Variants in HERC3 observed in about 807,000 individuals in gnomAD.
HERC3 encodes the protein probable E3 ubiquitin-protein ligase HERC3.
A neutral mutation model predicts 129.9 loss-of-function variants in HERC3; 58 were observed. The observed-to-expected ratio is 0.45, with a 90% CI of 0.36 to 0.56. HERC3 has a LOEUF of 0.56. Ranked by LOEUF, HERC3 falls within the 20% of genes least tolerant of loss-of-function variation. HERC3 has a pLI of 0.00. For missense variants in HERC3, 835 were observed against 1,244.2 expected, an observed-to-expected ratio of 0.67 and a Z score of 4.95; for synonymous variants, 430 against 451.0, an observed-to-expected ratio of 0.95 and a Z score of 0.59.
At chr4:88,545,114 A>G in the HERC3 span, among the ~76,000 whole-genome samples, 1 of 152,044 alleles carries the variant, frequency 6.6e-6, no homozygotes, top group African/African-American at 2.4e-5. Flanking sequence ...ACTTCAACAT[A>G]TGCATGGTAA....
chr4:88,637,390 C>T (rs1727543941), intron 3 of HERC3, among the ~76,000 whole-genome samples: 1 of 152,166 alleles, frequency 6.6e-6, no homozygotes, highest in African/African-American at 2.4e-5. Context: ...CGCGCCACTG[C>T]ACTCCAGCCT....
chr4:88,545,430 CTTTTTTT>C, the HERC3 span, among the ~76,000 whole-genome samples: 5 of 110,434 alleles, frequency 4.5e-5, no homozygotes, highest in Admixed American at 1.9e-4. Context: ...TTTGAGAATT[CTTTTTTT>C]TTTTTTTTTT....
intron 3 of HERC3, among the ~76,000 whole-genome samples, chr4:88,644,731 T>G (rs1470923465): frequency 6.6e-6 from 1 of 152,144 alleles, no homozygotes; most frequent in Non-Finnish European, 1.5e-5. Flanking sequence ...ATTCATAGAC[T>G]TATATACCAA....
At position 88,682,368 on chromosome 4, in the gene HERC3, A is replaced by T. The variant is rs59537482; in HGVS notation, c.2507+1043A>T. ...TTAAGTTTTAGGATACATGTGCACAACGTGCAGGTTAGTTACATATGTATA... is the reference window on the plus strand; with the variant it reads ...TTAAGTTTTAGGATACATGTGCACATCGTGCAGGTTAGTTACATATGTATA... On this transcript the variant is annotated intron_variant, in intron 21 of 25. Coordinates refer to ENST00000402738, the MANE Select transcript of HERC3 (RefSeq NM_014606.3). Among the ~76,000 whole-genome samples, 234 of 152,222 alleles carry T rather than the reference A, an allele frequency of 1.5e-3. 1 individual carries two copies. Among genetic ancestry groups the T allele is most frequent in the African/African-American group, 5.3e-3 (222 of 41,538 alleles).
chr4:88,595,910 G>A (rs903442640), intron 2 of HERC3, among the ~76,000 whole-genome samples: 1 of 149,384 alleles, frequency 6.7e-6, no homozygotes, highest in Non-Finnish European at 1.5e-5. Context: ...GTGCAGTGGC[G>A]GGATCTCGGC....
At chr4:88,525,894 A>G in the HERC3 span, among the ~76,000 whole-genome samples, 1 of 152,230 alleles carries the variant, frequency 6.6e-6, no homozygotes, top group South Asian at 2.1e-4. Flanking sequence ...CCTTTTCACT[A>G]TTCACATGAC....
chr4:88,577,616 T>TATATATATATATATATATAA, the HERC3 span, among the ~76,000 whole-genome samples: 11 of 144,714 alleles, frequency 7.6e-5, no homozygotes, highest in South Asian at 2.3e-3. Context: ...TATATATATA[T>TATATATATATATATATATAA]AATAGGTTTG....
At chr4:88,587,156 T>C in the HERC3 span, among the ~76,000 whole-genome samples, 18 of 152,334 alleles carry the variant, frequency 1.2e-4, no homozygotes, top group African/African-American at 4.3e-4. Flanking sequence ...CAGTTTACCT[T>C]TATAAAAAGG....
chr4:88,541,855 A>T, the HERC3 span, among the ~76,000 whole-genome samples: 1 of 152,208 alleles, frequency 6.6e-6, no homozygotes, highest in East Asian at 1.9e-4. Context: ...TACTGGGTAA[A>T]TAACAAAATG....
chr4:88,636,434 A>C (rs1476431713), intron 3 of HERC3, among the ~76,000 whole-genome samples: 1 of 152,246 alleles, frequency 6.6e-6, no homozygotes, highest in Admixed American at 6.5e-5. Context: ...TCAATTCAAC[A>C]AGAAGAGCTA....
At chr4:88,569,488 C>T in the HERC3 span, among the ~76,000 whole-genome samples, 2 of 152,230 alleles carry the variant, frequency 1.3e-5, no homozygotes, top group African/African-American at 4.8e-5. Context: ...GATAGCTGTT[C>T]ACTTTGGTAT....
rs371390502 is a variant in HERC3 at position 88,670,087 on chromosome 4, G to T, written c.1798-52G>T. On this transcript the variant is annotated intron_variant, in intron 15 of 25. Transcript: ENST00000402738. ...ATGGTAGGGTAAAATGTCCTAGTGA[G>T]ATGTTCTCTGGGAAGCCATGTTTCA... 4.4e-6 allele frequency: 7 copies of T among 1,596,340 alleles called. No individual in the cohort carries two copies. The Admixed American group carries it at 8.3e-5, about 19-fold the overall frequency.
intron 2 of HERC3, among the ~76,000 whole-genome samples, chr4:88,602,750 G>T (rs943002074): frequency 1.3e-5 from 2 of 152,118 alleles, no homozygotes; most frequent in Admixed American, 6.5e-5. Context: ...AAAGTGTTAG[G>T]ATCACAGGTG....
At chr4:88,692,034 G>A (rs1734124006) in intron 23 of HERC3, among the ~76,000 whole-genome samples, 1 of 152,102 alleles carries the variant, frequency 6.6e-6, no homozygotes, top group Non-Finnish European at 1.5e-5. Context: ...TTCTATCCTT[G>A]GACAGAACCT....
intron 16 of HERC3, among the ~76,000 whole-genome samples, chr4:88,674,008 AG>A (rs1731887932): frequency 6.6e-6 from 1 of 152,038 alleles, no homozygotes; most frequent in South Asian, 2.1e-4. Flanking sequence ...CTCCTAACTG[AG>A]GCAGTTTTGG....
chr4:88,657,988 T>A (rs1433318396), intron 9 of HERC3, among the ~76,000 whole-genome samples: 1 of 151,646 alleles, frequency 6.6e-6, no homozygotes, highest in Non-Finnish European at 1.5e-5. Flanking sequence ...GTGGACACAG[T>A]GTGATGGGAG....
intron 3 of HERC3, among the ~76,000 whole-genome samples, chr4:88,648,995 T>C (rs1728988710): frequency 6.6e-6 from 1 of 152,200 alleles, no homozygotes; most frequent in Non-Finnish European, 1.5e-5. Context: ...TAGCACTCTC[T>C]TTCTAGTTCA....
the HERC3 span, among the ~76,000 whole-genome samples, chr4:88,544,603 T>C: frequency 2.0e-5 from 3 of 152,210 alleles, no homozygotes; most frequent in South Asian, 2.1e-4. Context: ...CATGCTACTA[T>C]AAAGACACGT....
rs2602124 is a variant in HERC3, at chr4:88,622,193, A to C, written c.226+16144A>C. ...AACCATTAATCTACTTTCTGTTTCT[A>C]TAGATTTGCTTATTTTGAACATTTC... On this transcript the variant is annotated intron_variant, in intron 3 of 25. Coordinates refer to ENST00000402738, the MANE Select transcript of HERC3 (RefSeq NM_014606.3). Among the ~76,000 whole-genome samples, 905 of 152,276 alleles carry C rather than the reference A, an allele frequency of 5.9e-3. 6 individuals are homozygous for C. The highest frequency in any genetic ancestry group is 0.012 in the Admixed American group (176 of 15,298).
Sources: allele counts gnomAD v4.1 joint callset (sites outside exome capture counted in the v4.1 genomes callset), GRCh38; gene constraint gnomAD v4.1.1; transcripts MANE v1.5; gene names NCBI Gene and HGNC (gene_info 2026-07-23, HGNC 2026-07-21).